The following GPC6 variants were observed in gnomAD, a reference collection of about 807,000 sequenced individuals.
The protein encoded by GPC6 is glypican-6.
A neutral mutation model predicts 55.2 loss-of-function variants in GPC6; 14 were observed. The observed-to-expected ratio is 0.25, with a 90% CI of 0.17 to 0.40. The LOEUF (loss-of-function observed/expected upper bound fraction) is 0.40, where lower values mean the gene tolerates loss of function less well. Among genes scored for constraint, GPC6 ranks in the 10% least tolerant of loss-of-function variants. The probability of loss-of-function intolerance (pLI) is 1.00; values close to 1 mark genes in which losing one functional copy is unlikely to be tolerated. For synonymous variants in GPC6, 278 were observed against 259.6 expected (o/e 1.07, Z -0.68); for missense variants, 641 against 708.5 (o/e 0.90, Z 1.08).
At chr13:93,703,396 T>C (rs1882740503) in intron 2 of GPC6, among the ~76,000 whole-genome samples, 1 of 151,976 alleles carries the variant, frequency 6.6e-6, no homozygotes, top group African/African-American at 2.4e-5. Flanking sequence ...TTTGGAATAT[T>C]GTAAGAATTA....
intron 1 of GPC6, among the ~76,000 whole-genome samples, chr13:93,538,403 T>G (rs1443509211): frequency 3.3e-5 from 5 of 152,152 alleles, no homozygotes; most frequent in Non-Finnish European, 5.9e-5. Context: ...TATGTATTCC[T>G]GGGAGTAAGA....
intron 3 of GPC6, among the ~76,000 whole-genome samples, chr13:93,973,309 A>G (rs554778995): frequency 6.6e-6 from 1 of 152,286 alleles, no homozygotes; most frequent in African/African-American, 2.4e-5. Context: ...CAGTAAAAAT[A>G]TGGTGTTAAA....
intron 1 of GPC6, among the ~76,000 whole-genome samples, chr13:93,521,333 G>A (rs576037764): frequency 1.1e-4 from 17 of 151,794 alleles, no homozygotes; most frequent in African/African-American, 4.1e-4. Context: ...AGTGGTATAT[G>A]TACTAAATGA....
intron 2 of GPC6, among the ~76,000 whole-genome samples, chr13:93,562,071 C>T (rs1362659103): frequency 6.6e-6 from 1 of 152,154 alleles, no homozygotes; most frequent in Non-Finnish European, 1.5e-5. Flanking sequence ...AGACCCTAGT[C>T]ATTGAAAACT....
intron 4 of GPC6, among the ~76,000 whole-genome samples, chr13:94,151,030 G>A (rs1453568921): frequency 6.6e-6 from 1 of 151,728 alleles, no homozygotes; most frequent in Admixed American, 6.6e-5. Flanking sequence ...TCTTATGATA[G>A]CTCATTTTAT....
Position 93,718,565 on chromosome 13 carries a change from CTCTGATG to C in GPC6, c.320-111588_320-111582del, listed in dbSNP as rs1415160670. On this transcript the variant is annotated intron_variant, in intron 2 of 8. Transcript: ENST00000377047. ...TCCCATTCTGTAGGTTGTCTGTTCA[CTCTGATG>C]ATAGTTTATTTTGCTGTACAGAAGC... Among the ~76,000 whole-genome samples the C allele has an allele frequency of 6.6e-5, 10 of 152,056 alleles. No individual in the cohort carries two copies. In the South Asian group the frequency reaches 1.7e-3, roughly 25 times the overall value.
rs749985334 is a variant in GPC6 at position 93,227,481 on chromosome 13, A to G, written c.25A>G (p.Ile9Val). 3 of 1,613,790 alleles carry G rather than the reference A, an allele frequency of 1.9e-6. No homozygotes were observed. In the South Asian group the frequency reaches 3.3e-5, roughly 18 times the overall value. Residue 9 changes from isoleucine (I) to valine (V), a missense_variant, in exon 1 of 9, where the codon ATT (isoleucine) becomes GTT (valine). Ile to Val is a conservative substitution (Grantham distance 29, BLOSUM62 3). Transcript: ENST00000377047. The surrounding 1 kb of genome is among the most constrained non-coding windows in gnomAD (Gnocchi z 4.3). ...CATGCCTTCTTGGATCGGGGCTGTGATTCTTCCCCTCTTGGGGCTGCTGCT... is the reference window on the plus strand; with the variant it reads ...CATGCCTTCTTGGATCGGGGCTGTGGTTCTTCCCCTCTTGGGGCTGCTGCT... The part of the protein sequence containing the change: MPSWIGAV[I>V]LPLLGLLLSL...
At chr13:93,471,297 G>A (rs933181983) in intron 1 of GPC6, among the ~76,000 whole-genome samples, 7 of 149,852 alleles carry the variant, frequency 4.7e-5, no homozygotes, top group Non-Finnish European at 8.9e-5. Context: ...GGCAGATCAT[G>A]AGGTCAGGAG....
At chr13:93,526,623 C>T (rs998668493) in intron 1 of GPC6, among the ~76,000 whole-genome samples, 18 of 151,934 alleles carry the variant, frequency 1.2e-4, no homozygotes, top group African/African-American at 3.6e-4. Flanking sequence ...TTTCAAATAA[C>T]GATTAGGAGA....
chr13:93,602,841 T>C (rs1423385171), intron 2 of GPC6, among the ~76,000 whole-genome samples: 1 of 152,216 alleles, frequency 6.6e-6, no homozygotes, highest in Non-Finnish European at 1.5e-5. Context: ...AAAGAAAATA[T>C]ACATTTTCGG....
At chr13:93,702,407 G>A (rs938334468) in intron 2 of GPC6, among the ~76,000 whole-genome samples, 4 of 151,972 alleles carry the variant, frequency 2.6e-5, no homozygotes, top group African/African-American at 9.7e-5. Flanking sequence ...AACACAGACA[G>A]TGTAAAGTTA....
At chr13:93,284,729 T>C (rs1292847193) in intron 1 of GPC6, among the ~76,000 whole-genome samples, 2 of 152,180 alleles carry the variant, frequency 1.3e-5, no homozygotes, top group Non-Finnish European at 2.9e-5. Context: ...AGTGAGTGCC[T>C]ACTGTGTGCC....
At chr13:93,729,457 T>C (rs1883750840) in intron 2 of GPC6, among the ~76,000 whole-genome samples, 1 of 152,162 alleles carries the variant, frequency 6.6e-6, no homozygotes, top group Admixed American at 6.5e-5. Context: ...GAGTCATTGG[T>C]CATGAGAGAA....
intron 1 of GPC6, among the ~76,000 whole-genome samples, chr13:93,363,951 T>C (rs1372349119): frequency 6.6e-6 from 1 of 152,092 alleles, no homozygotes; most frequent in Non-Finnish European, 1.5e-5. Flanking sequence ...AAGTGTCTGT[T>C]CATGTCCTTC....
chr13:94,097,042 G>T (rs532218387), intron 4 of GPC6, among the ~76,000 whole-genome samples: 5 of 150,044 alleles, frequency 3.3e-5, no homozygotes, highest in Non-Finnish European at 5.9e-5. Context: ...TGATAAATAG[G>T]TTAATACCTA....
chr13:93,497,885 A>C (rs1461481854), intron 1 of GPC6, among the ~76,000 whole-genome samples: 1 of 152,224 alleles, frequency 6.6e-6, no homozygotes, highest in African/African-American at 2.4e-5. Flanking sequence ...TTGTAGTTCA[A>C]ATCAACTTCT....
chr13:94,356,593 AG>A (rs1878807709), intron 6 of GPC6, among the ~76,000 whole-genome samples: 1 of 152,220 alleles, frequency 6.6e-6, no homozygotes, highest in Non-Finnish European at 1.5e-5. Flanking sequence ...TCTGCCTGAA[AG>A]GATGAAGCAG....
intron 2 of GPC6, among the ~76,000 whole-genome samples, chr13:93,603,770 A>G (rs908712678): frequency 6.6e-6 from 1 of 152,244 alleles, no homozygotes; most frequent in African/African-American, 2.4e-5. Context: ...TAGTCATTCT[A>G]CAAGGGGGAC....
chr13:94,139,216 A>C (rs1391696997), intron 4 of GPC6, among the ~76,000 whole-genome samples: 1 of 152,212 alleles, frequency 6.6e-6, no homozygotes, highest in Non-Finnish European at 1.5e-5. Flanking sequence ...ACTCATATGC[A>C]GCCAACAATG....
Sources: gnomAD v4.1 joint callset for allele counts (sites outside exome capture counted in the v4.1 genomes callset) on GRCh38, gnomAD v4.1.1 for gene constraint, Gnocchi (gnomAD v3.1) non-coding constraint, MANE v1.5 for transcripts, NCBI Gene and HGNC (gene_info 2026-07-23, HGNC 2026-07-21) for gene names.